ANKAR: variants seen among roughly 807,000 people sequenced by gnomAD.
ANKAR encodes the protein ankyrin and armadillo repeat-containing protein.
A neutral mutation model predicts 146.2 loss-of-function variants in ANKAR; 136 were observed. The ratio of observed to expected loss-of-function variants is 0.93; its 90% CI spans 0.81 to 1.07. The LOEUF is 1.07. Ranked by LOEUF, ANKAR falls within the 50% of genes least tolerant of loss-of-function variation. ANKAR has a pLI of 0.00. For missense variants in ANKAR, 1,567 were observed against 1,679.9 expected (o/e 0.93, Z 1.18); for synonymous variants, 500 against 575.8 (o/e 0.87, Z 1.88).
intron 12 of ANKAR, among the ~76,000 whole-genome samples, chr2:189,726,849 C>A (rs1370179080): frequency 6.6e-6 from 1 of 151,986 alleles, no homozygotes; most frequent in Non-Finnish European, 1.5e-5. Context: ...AACATACCCT[C>A]AAATTTAGAA....
intron 16 of ANKAR, among the ~76,000 whole-genome samples, 189 bp downstream of exon 16, chr2:189,730,790 G>A (rs1265855088): frequency 1.3e-5 from 2 of 151,926 alleles, no homozygotes; most frequent in Non-Finnish European, 2.9e-5. Context: ...TTTTAAAAAG[G>A]TTGCTGCAAA....
Position 189,731,404 on chromosome 2 carries a change from C to T in ANKAR, c.3300+803C>T, listed in dbSNP as rs1413855073. On this transcript the variant is annotated intron_variant, in intron 16 of 22. Coordinates refer to ENST00000684021, the MANE Select transcript of ANKAR (RefSeq NM_001378068.1). ...TTTTTTTTTTTTTGAGACAGAATCT[C>T]GCTCTGTTGCCCAGGCTGGAGTGCA... is the stretch of plus-strand genomic sequence containing the variant. 1.6e-4 allele frequency among the ~76,000 whole-genome samples: 21 copies of T among 129,210 alleles called. No individual in the cohort carries two copies. The East Asian group carries it at 4.0e-3, about 24-fold the overall frequency. The allele number at this position is 129,210 out of a possible 152,430, so 84.8% of individuals were successfully genotyped here.
At chr2:189,722,896 AAAG>A (rs1418692148) in intron 12 of ANKAR, among the ~76,000 whole-genome samples, 5 of 151,968 alleles carry the variant, frequency 3.3e-5, no homozygotes, top group African/African-American at 4.8e-5. Context: ...AAAAAAAAGA[AAAG>A]AAAACTATAG....
At chr2:189,685,276 G>A (rs942697720) in intron 2 of ANKAR, among the ~76,000 whole-genome samples, 1 of 151,456 alleles carries the variant, frequency 6.6e-6, no homozygotes, top group African/African-American at 2.4e-5. Context: ...CCTTGATTCA[G>A]GGAACATTAT....
chr2:189,744,767 A>G lies in ANKAR; in HGVS notation c.4036A>G (p.Ile1346Val). The G allele has an allele frequency of 1.3e-6, 2 of 1,594,970 alleles. No individual in the cohort carries two copies. The highest frequency in any genetic ancestry group is 1.1e-5 in the South Asian group (1 of 90,162). Residue 1346 changes from isoleucine to valine, a missense_variant, in exon 22 of 23, where the codon ATA (isoleucine) becomes GTA (valine). Transcript: ENST00000684021. The stretch of plus-strand genomic sequence containing the variant: ...TCTGGAGAAGAATGGAGGACCATCC[A>G]TAATTCCTATCTTTAAAAGAGGTAA... ...LSLEKNGGPS[I>V]IPIFKRGKEH...
Position 189,692,257 on chromosome 2 carries a change from G to C in ANKAR, c.1042G>C (p.Asp348His). Residue 348 changes from aspartate to histidine, a missense_variant and splice_region_variant, in exon 4 of 23, where the codon GAC becomes CAC. Transcript: ENST00000684021. Reference protein sequence around the residue: ...LSSLLQPFSDDKVKTERELPP... With the variant: ...LSSLLQPFSDHKVKTERELPP... ...AAAATTTGTTTTCATTTTTGGAGAT[G>C]ACAAGGTCAAGACAGAGCGAGAATT... 3 of 1,589,856 alleles carry C rather than the reference G, an allele frequency of 1.9e-6. No homozygotes were observed. The highest frequency in any genetic ancestry group is 2.6e-6 in the Non-Finnish European group (3 of 1,172,998).
At chr2:189,743,150 C>A in intron 20 of ANKAR, 125 bp from the exon 21 acceptor site, 1 of 825,776 alleles carries the variant, frequency 1.2e-6, no homozygotes, top group Non-Finnish European at 1.9e-6. Context: ...CATTTGTTTG[C>A]ATACATATTT....
chr2:189,746,491 A>G lies in ANKAR; in HGVS notation c.4169A>G (p.Lys1390Arg). 8 of 1,613,944 alleles carry G rather than the reference A, an allele frequency of 5.0e-6. No individual in the cohort carries two copies. Among genetic ancestry groups the G allele is most frequent in the Non-Finnish European group, 6.8e-6 (8 of 1,179,916 alleles). ...MGLFKATKKT[K>R]DSHNIFSFSS... The stretch of plus-strand genomic sequence containing the variant: ...CTCTTCAAAGCAACAAAAAAGACCA[A>G]GGATTCCCATAATATTTTTTCTTTT... The change falls in exon 23 of 23, where the codon AAG becomes AGG. Residue 1390 changes from lysine to arginine, a missense_variant. Coordinates refer to ENST00000684021, the MANE Select transcript of ANKAR (RefSeq NM_001378068.1).
chr2:189,761,679 A>G, downstream of ANKAR: 3 of 1,486,586 alleles, frequency 2.0e-6, no homozygotes, highest in African/African-American at 4.3e-5. Flanking sequence ...GAATTACAGA[A>G]ACAACTTATT....
At chr2:189,708,193 A>C (rs1418779231) in intron 9 of ANKAR, among the ~76,000 whole-genome samples, 2 of 152,212 alleles carry the variant, frequency 1.3e-5, no homozygotes, top group Non-Finnish European at 2.9e-5. Flanking sequence ...TAAGCAGATG[A>C]AATACAGCAG....
chr2:189,690,483 G>A (rs909531726), intron 3 of ANKAR, among the ~76,000 whole-genome samples: 4 of 152,198 alleles, frequency 2.6e-5, no homozygotes, highest in African/African-American at 4.8e-5. Context: ...CAATGTAAGA[G>A]AATAGAGAAC....
chr2:189,752,584 T>C, intron 18 of ANKAR: 1 of 1,526,958 alleles, frequency 6.5e-7, no homozygotes, highest in Non-Finnish European at 9.0e-7. Context: ...ACCTCATATA[T>C]AAAGGCAAAA....
Position 189,705,232 on chromosome 2 carries a change from A to T in ANKAR, c.1910+8A>T. On this transcript the variant is annotated splice_region_variant and intron_variant, in intron 8 of 22. Transcript: ENST00000684021. ...AGCTGAGGCAACAGCTGAGTAAGTC[A>T]TTAAGCATTTATATCAGGTTGAGGT... 1 of 1,613,606 alleles carries T rather than the reference A, an allele frequency of 6.2e-7. No homozygotes were observed. The highest frequency in any genetic ancestry group is 8.5e-7 in the Non-Finnish European group (1 of 1,179,630).
chr2:189,727,309 C>A (rs2041979496), intron 12 of ANKAR, among the ~76,000 whole-genome samples: 1 of 151,968 alleles, frequency 6.6e-6, no homozygotes, highest in African/African-American at 2.4e-5. Context: ...GGCTAAGATG[C>A]TATTATCATT....
chr2:189,758,512 C>G (rs1328668441), intron 18 of ANKAR, among the ~76,000 whole-genome samples: 2 of 152,224 alleles, frequency 1.3e-5, no homozygotes, highest in Non-Finnish European at 2.9e-5. Context: ...GAAGCAGATG[C>G]TGCCACGCTT....
At chr2:189,699,853 A>G (rs938140892) in intron 7 of ANKAR, among the ~76,000 whole-genome samples, 11 of 152,060 alleles carry the variant, frequency 7.2e-5, no homozygotes, top group East Asian at 1.9e-4. Context: ...TTTAGTAGAG[A>G]CAGGGTTTCA....
At chr2:189,761,648 C>T (rs1335733966), downstream of ANKAR, 1 of 1,549,456 alleles carries the variant, frequency 6.5e-7, no homozygotes, top group Admixed American at 2.2e-5. Context: ...CATACTTACT[C>T]TATAGATAAT....
intron 18 of ANKAR, among the ~76,000 whole-genome samples, chr2:189,758,419 T>C (rs1426202760): frequency 3.3e-5 from 5 of 150,580 alleles, no homozygotes; most frequent in African/African-American, 7.3e-5. Context: ...TCACCCCCCC[T>C]CTCTCGGTCC....
At chr2:189,692,095 C>T (rs1397596592) in intron 3 of ANKAR, among the ~76,000 whole-genome samples, 160 bp from the exon 4 acceptor site, 2 of 152,134 alleles carry the variant, frequency 1.3e-5, no homozygotes, top group Non-Finnish European at 2.9e-5. Flanking sequence ...TATTTATATA[C>T]ATTAACAGCA....
Sources: gnomAD v4.1 joint callset for allele counts (sites outside exome capture counted in the v4.1 genomes callset) on GRCh38, gnomAD v4.1.1 for gene constraint, MANE v1.5 for transcripts, NCBI Gene and HGNC (gene_info 2026-07-23, HGNC 2026-07-21) for gene names.